Variants in WNK3 observed in about 807,000 individuals in gnomAD.
WNK3 encodes the protein WNK lysine deficient protein kinase 3.
In WNK3, 18 loss-of-function variants were observed where a neutral mutation model predicts 116.7. That is an observed-to-expected ratio of 0.15 (90% confidence interval 0.11 to 0.23). The LOEUF is 0.23. Among genes scored for constraint, WNK3 ranks in the 10% least tolerant of loss-of-function variants. WNK3 has a pLI of 1.00. For missense variants in WNK3, 993 were observed against 1,323.8 expected (o/e 0.75, Z 3.88); for synonymous variants, 404 against 469.4 (o/e 0.86, Z 1.80).
intron 13 of WNK3, among the ~76,000 whole-genome samples, chrX:54,252,486 A>G (rs1303811885): frequency 9.0e-6 from 1 of 110,853 alleles, no homozygotes; most frequent in Non-Finnish European, 1.9e-5. Flanking sequence ...CCTGGTCAAC[A>G]TGGCGAAATG....
chrX:54,294,809 A>G (rs1180739622), exon 8 of WNK3: 11 of 1,200,140 alleles, frequency 9.2e-6, no homozygotes, highest in Admixed American at 8.9e-5. Context: ...ATTTAGCAAC[A>G]GCTTTGGAAT....
At chrX:54,357,481 G>A (rs1466313129) in intron 1 of WNK3, among the ~76,000 whole-genome samples, 1 of 111,478 alleles carries the variant, frequency 9.0e-6, no homozygotes, top group South Asian at 3.8e-4. Context: ...CCCGGAGCCC[G>A]GCCTCGTCCG....
chrX:54,262,138 TATA>T (rs1161984588), intron 10 of WNK3, among the ~76,000 whole-genome samples: 2 of 112,198 alleles, frequency 1.8e-5, no homozygotes, highest in African/African-American at 6.5e-5. Flanking sequence ...TGGCTGTGAT[TATA>T]ATATTTGTTT....
chrX:54,292,621 A>G (rs782107456), intron 10 of WNK3, among the ~76,000 whole-genome samples: 11 of 105,070 alleles, frequency 1.0e-4, no homozygotes. Flanking sequence ...CAGGAGAATC[A>G]CTTGAACCTG....
At chrX:54,238,803 CA>C (rs1484034717) in intron 18 of WNK3, 64 bp downstream of exon 18, 128 of 906,610 alleles carry the variant, frequency 1.4e-4, no homozygotes, top group Admixed American at 2.1e-4. Context: ...ATATGAACAA[CA>C]AAAAAAATAA....
At chrX:54,250,961 A>T (rs1383398175) in intron 15 of WNK3, among the ~76,000 whole-genome samples, 2 of 111,655 alleles carry the variant, frequency 1.8e-5, no homozygotes, top group Non-Finnish European at 3.8e-5. Context: ...GTTATCAGTG[A>T]CCAGCGCAAG....
Position 54,198,365 on chromosome X carries a change from A to G in WNK3, c.5362T>C (p.Ser1788Pro), listed in dbSNP as rs782784534. 45 of 1,206,844 alleles carry G rather than the reference A, an allele frequency of 3.7e-5. No individual in the cohort carries two copies. In the Middle Eastern group the frequency reaches 2.1e-3, roughly 55 times the overall value. ...GGGATTGTGGCAGGATTCTGCACTG[A>G]TGAAGTTGGAAATGCCTGCATATTC... Residue 1788 changes from serine to proline, a missense_variant, in exon 24 of 24, where the codon TCA becomes CCA. Physicochemically the swap from Ser to Pro is moderately conservative, Grantham distance 74. This residue lies in a region of WNK3 where 836 missense variants were observed against 976.5 expected (regional missense o/e 0.86). Transcript: ENST00000354646.
intron 14 of WNK3, 32 bp from the exon 15 acceptor site, chrX:54,251,482 G>A: frequency 8.4e-7 from 1 of 1,196,756 alleles, no homozygotes; most frequent in Non-Finnish European, 1.1e-6. Context: ...AAATTAAAAA[G>A]TTCCTGATTC....
chrX:54,325,679 CAAAAAAA>C (rs57064020), intron 2 of WNK3, among the ~76,000 whole-genome samples: 2 of 11,311 alleles, frequency 1.8e-4, no homozygotes, highest in Non-Finnish European at 2.3e-4. Flanking sequence ...AACTCCCTCT[CAAAAAAA>C]AAAAAAAAAA....
intron 2 of WNK3, among the ~76,000 whole-genome samples, chrX:54,325,321 A>G (rs1016382966): frequency 9.0e-6 from 1 of 111,503 alleles, no homozygotes; most frequent in African/African-American, 3.3e-5. Context: ...AGCACACTCA[A>G]ATACATTTCA....
intron 5 of WNK3, among the ~76,000 whole-genome samples, chrX:54,304,637 C>T (rs976868160): frequency 2.7e-5 from 3 of 110,448 alleles, no homozygotes; most frequent in Non-Finnish European, 3.8e-5. Context: ...CTCAAATTTT[C>T]AAAATTGTCT....
chrX:54,279,351 T>C (rs1455763978), intron 10 of WNK3, among the ~76,000 whole-genome samples: 1 of 111,389 alleles, frequency 9.0e-6, no homozygotes, highest in Non-Finnish European at 1.9e-5. Context: ...AGATGTAATA[T>C]ACATAACAAT....
At chrX:54,205,295 C>T (rs1384970673) in intron 22 of WNK3, among the ~76,000 whole-genome samples, 1 of 109,650 alleles carries the variant, frequency 9.1e-6, no homozygotes, top group Non-Finnish European at 1.9e-5. Flanking sequence ...AAAAAAAGAA[C>T]ATTTCTGGGT....
At chrX:54,245,147 T>C (rs1196828195) in intron 17 of WNK3, among the ~76,000 whole-genome samples, 3 of 70,001 alleles carry the variant, frequency 4.3e-5, no homozygotes, top group South Asian at 1.3e-3. Flanking sequence ...TATATATGCG[T>C]GTGTGTGTGT....
chrX:54,224,761 G>A (rs941568525), intron 22 of WNK3, among the ~76,000 whole-genome samples: 1 of 109,993 alleles, frequency 9.1e-6, no homozygotes, highest in Non-Finnish European at 1.9e-5. Flanking sequence ...AGTATAGATG[G>A]GGTTTCACCA....
At chrX:54,238,449 C>T (rs1557150743) in exon 19 of WNK3, 9 of 1,209,019 alleles carry the variant, frequency 7.4e-6, no homozygotes, top group Non-Finnish European at 7.8e-6. Context: ...GGAGCAATTG[C>T]TGATCTCATC....
intron 22 of WNK3, among the ~76,000 whole-genome samples, chrX:54,211,171 G>C (rs1478642417): frequency 8.9e-6 from 1 of 111,878 alleles, no homozygotes; most frequent in African/African-American, 3.3e-5. Context: ...GCTGAGCGTG[G>C]TGGCTCACAC....
intron 22 of WNK3, among the ~76,000 whole-genome samples, chrX:54,212,504 C>A (rs1192062158): frequency 1.8e-5 from 2 of 112,305 alleles, no homozygotes; most frequent in Admixed American, 1.9e-4. Context: ...TATGAAGCAA[C>A]CTCATATAAG....
chrX:54,252,847 G>T (rs1557154653), intron 13 of WNK3, among the ~76,000 whole-genome samples: 2 of 109,586 alleles, frequency 1.8e-5, no homozygotes, highest in Non-Finnish European at 3.8e-5. Flanking sequence ...CACAAAGAAA[G>T]CTGGCAGAAA....
Sources: allele counts gnomAD v4.1 joint callset (sites outside exome capture counted in the v4.1 genomes callset), GRCh38; gene constraint gnomAD v4.1.1; regional missense constraint gnomAD v4.1.1; transcripts MANE v1.5; gene names NCBI Gene and HGNC (gene_info 2026-07-23, HGNC 2026-07-21).